ATP8B4: variants seen among roughly 807,000 people sequenced by gnomAD.
The protein encoded by ATP8B4 is probable phospholipid-transporting ATPase IM.
Under a neutral mutation model 145.6 loss-of-function variants are expected in ATP8B4, and 133 were observed. The observed-to-expected ratio is 0.91, with a 90% CI of 0.79 to 1.05. ATP8B4 has a LOEUF of 1.05. Ranked by LOEUF, ATP8B4 falls within the 50% of genes least tolerant of loss-of-function variation. The pLI is 0.00. For synonymous variants in ATP8B4, 507 were observed against 492.9 expected, an observed-to-expected ratio of 1.03 and a Z score of -0.38; for missense variants, 1,458 against 1,425.2, an observed-to-expected ratio of 1.02 and a Z score of -0.37.
chr15:49,875,807 C>T (rs2034320469), intron 25 of ATP8B4, among the ~76,000 whole-genome samples: 1 of 152,170 alleles, frequency 6.6e-6, no homozygotes, highest in Non-Finnish European at 1.5e-5. Context: ...AGAAGAGCTC[C>T]TCTGAGTGTG....
chr15:50,014,503 A>G (rs2048946585), intron 6 of ATP8B4, among the ~76,000 whole-genome samples: 1 of 152,172 alleles, frequency 6.6e-6, no homozygotes, highest in African/African-American at 2.4e-5. Context: ...ATAGCATCCC[A>G]TGTTTATTTA....
intron 26 of ATP8B4, among the ~76,000 whole-genome samples, chr15:49,865,757 T>A (rs114796847): frequency 6.6e-6 from 1 of 152,196 alleles, no homozygotes; most frequent in African/African-American, 2.4e-5. Flanking sequence ...TTTATTCCTA[T>A]ATATTCTCGC....
intron 10 of ATP8B4, among the ~76,000 whole-genome samples, chr15:49,985,737 G>A (rs1448679369): frequency 2.6e-5 from 4 of 152,124 alleles, no homozygotes. Context: ...AGCCTAGAGA[G>A]CAGGCTGGGT....
intron 20 of ATP8B4, among the ~76,000 whole-genome samples, chr15:49,905,520 T>C (rs2038514205): frequency 6.6e-6 from 1 of 152,136 alleles, no homozygotes; most frequent in Admixed American, 6.5e-5. Flanking sequence ...ATTAAGAAAA[T>C]GCACACTATA....
At chr15:49,993,966 A>C (rs991193767) in intron 9 of ATP8B4, among the ~76,000 whole-genome samples, 2 of 152,186 alleles carry the variant, frequency 1.3e-5, no homozygotes, top group African/African-American at 4.8e-5. Context: ...AATTCAAGTC[A>C]TATCTAGTAA....
rs1162740852 is a variant in ATP8B4 at position 49,960,211 on chromosome 15, C to T, written c.1287+1766G>A. ...TTGGCTAATTTTTATGTTTTTAGTA[C>T]AGACGGGGTTTCACCATGTTGGCCA... On this transcript the variant is annotated intron_variant, in intron 14 of 27. Coordinates refer to ENST00000284509, the MANE Select transcript of ATP8B4 (RefSeq NM_024837.4). Among the ~76,000 whole-genome samples, 5 of 151,888 alleles carry T rather than the reference C, an allele frequency of 3.3e-5. No individual in the cohort carries two copies. In the East Asian group the frequency reaches 9.7e-4, roughly 29 times the overall value.
At chr15:49,949,096 T>G (rs1002132412) in intron 14 of ATP8B4, among the ~76,000 whole-genome samples, 1 of 152,186 alleles carries the variant, frequency 6.6e-6, no homozygotes, top group African/African-American at 2.4e-5. Flanking sequence ...TGAAGTCAGG[T>G]AGCATGATGC....
chr15:49,944,574 T>C (rs986306860), intron 14 of ATP8B4, among the ~76,000 whole-genome samples: 49 of 152,062 alleles, frequency 3.2e-4, no homozygotes, highest in Non-Finnish European at 5.7e-4. Context: ...GAAGCAACCA[T>C]TGACAGAACT....
intron 3 of ATP8B4, among the ~76,000 whole-genome samples, chr15:50,072,856 G>A (rs1403043940): frequency 4.8e-5 from 7 of 146,992 alleles, no homozygotes; most frequent in African/African-American, 1.8e-4. Context: ...CCCTGACCTT[G>A]TGATCTGCCC....
At chr15:50,124,124 T>C (rs1229852293), upstream of ATP8B4, among the ~76,000 whole-genome samples, 2 of 152,120 alleles carry the variant, frequency 1.3e-5, no homozygotes, top group African/African-American at 4.8e-5. Context: ...TGAAGTAACA[T>C]ATGCCCTCAT....
At chr15:49,886,933 C>T (rs978809249) in intron 23 of ATP8B4, among the ~76,000 whole-genome samples, 1 of 152,110 alleles carries the variant, frequency 6.6e-6, no homozygotes, top group African/African-American at 2.4e-5. Context: ...CCTCAGCCTC[C>T]CGAGTAGCTG....
rs2033685301 is a variant in ATP8B4, at chr15:49,871,664, CCT to C, written c.3027+4612_3027+4613del. ...TTTCACTTCCTTTGCTCAATTTCAA[CCT>C]CTCTCCTCATATCCCTTTGCCCCTG... is the stretch of plus-strand genomic sequence containing the variant. On this transcript the variant is annotated intron_variant, in intron 25 of 27. Transcript: ENST00000284509. Among the ~76,000 whole-genome samples the C allele has an allele frequency of 2.6e-5, 4 of 152,284 alleles. No homozygotes were observed. The South Asian group carries it at 8.3e-4, about 32-fold the overall frequency.
At position 49,858,345 on chromosome 15, in the gene ATP8B4, A is replaced by ATGT. The variant is rs2031053474; in HGVS notation, c.*1848_*1849insACA. The ATGT allele has an allele frequency of 6.6e-6, 1 of 152,250 alleles. No individual in the cohort carries two copies. Among genetic ancestry groups the ATGT allele is most frequent in the Non-Finnish European group, 1.5e-5 (1 of 68,052 alleles). The allele number at this position is 152,250 out of a possible 1,614,324, so 9.4% of individuals were successfully genotyped here. The stretch of plus-strand genomic sequence containing the variant: ...ATGACAAATTAGACATTGAAAACCA[A>ATGT]CATCTGGTTAAGTGTAGGCAGGCAT... On this transcript the variant is annotated 3_prime_UTR_variant, in exon 28 of 28. Coordinates refer to ENST00000284509, the MANE Select transcript of ATP8B4 (RefSeq NM_024837.4).
At chr15:50,146,992 A>C (rs1191636701) in intron 1 of ATP8B4, among the ~76,000 whole-genome samples, 1 of 151,876 alleles carries the variant, frequency 6.6e-6, no homozygotes, top group Non-Finnish European at 1.5e-5. Flanking sequence ...TCTCACTGGG[A>C]ACCAGTTTTC....
chr15:50,122,337 T>C (rs2057278170), upstream of ATP8B4, among the ~76,000 whole-genome samples: 1 of 152,190 alleles, frequency 6.6e-6, no homozygotes, highest in Non-Finnish European at 1.5e-5. Context: ...GTGATGCTTA[T>C]CAGCTGCTGG....
chr15:49,915,305 G>T (rs562576291), intron 20 of ATP8B4, among the ~76,000 whole-genome samples: 3 of 152,170 alleles, frequency 2.0e-5, no homozygotes, highest in Non-Finnish European at 4.4e-5. Flanking sequence ...TAGGAAGGTT[G>T]TATGGGTGGG....
upstream of ATP8B4, among the ~76,000 whole-genome samples, chr15:50,122,391 T>C (rs1445558117): frequency 1.3e-5 from 2 of 152,194 alleles, no homozygotes; most frequent in Non-Finnish European, 2.9e-5. Flanking sequence ...AATTTAAGTC[T>C]CTGACATTGA....
intron 1 of ATP8B4, among the ~76,000 whole-genome samples, chr15:50,169,084 C>T (rs2044633939): frequency 6.6e-6 from 1 of 152,222 alleles, no homozygotes; most frequent in Non-Finnish European, 1.5e-5. Context: ...TCTGATGGTC[C>T]TTCCCTATCC....
chr15:49,969,229 GCAAA>G (rs1240321944), intron 13 of ATP8B4, among the ~76,000 whole-genome samples: 2 of 151,988 alleles, frequency 1.3e-5, no homozygotes, highest in African/African-American at 4.8e-5. Flanking sequence ...AGAATAAAGA[GCAAA>G]CAAATTCAAA....
Sources: allele counts gnomAD v4.1 joint callset (sites outside exome capture counted in the v4.1 genomes callset), GRCh38; gene constraint gnomAD v4.1.1; transcripts MANE v1.5; gene names NCBI Gene and HGNC (gene_info 2026-07-23, HGNC 2026-07-21).